GLRA2: variants seen among roughly 807,000 people sequenced by gnomAD.
The protein encoded by GLRA2 is glycine receptor alpha 2.
Under a neutral mutation model 31.6 loss-of-function variants are expected in GLRA2, and 11 were observed. The observed-to-expected ratio is 0.35, with a 90% CI of 0.22 to 0.58. GLRA2 has a LOEUF of 0.58. Among genes scored for constraint, GLRA2 ranks in the 20% least tolerant of loss-of-function variants. The pLI, the probability that GLRA2 is intolerant of heterozygous loss-of-function variation, is 0.84. For missense variants in GLRA2, 212 were observed against 351.8 expected, an observed-to-expected ratio of 0.60 and a Z score of 3.18; for synonymous variants, 132 against 134.0, an observed-to-expected ratio of 0.99 and a Z score of 0.10.
chrX:14,699,117 T>C (rs1203397847), intron 8 of GLRA2, among the ~76,000 whole-genome samples: 1 of 112,269 alleles, frequency 8.9e-6, no homozygotes, highest in Admixed American at 9.4e-5. Context: ...CCCAGTCTAT[T>C]AGAAGCTGAT....
At chrX:14,525,700 C>T (rs934788294), upstream of GLRA2, among the ~76,000 whole-genome samples, 8 of 111,394 alleles carry the variant, frequency 7.2e-5, no homozygotes, top group African/African-American at 2.3e-4. Context: ...TAATCTCTTA[C>T]TTTGAATTTA....
intron 8 of GLRA2, among the ~76,000 whole-genome samples, chrX:14,699,808 G>C (rs1423793888): frequency 9.0e-6 from 1 of 111,554 alleles, no homozygotes; most frequent in African/African-American, 3.3e-5. Flanking sequence ...CCACATATGA[G>C]TGAGATCACG....
At chrX:14,458,819 G>T in the GLRA2 span, among the ~76,000 whole-genome samples, 1 of 111,658 alleles carries the variant, frequency 9.0e-6, no homozygotes, top group Admixed American at 9.5e-5. Flanking sequence ...CCATTCTGCA[G>T]GTTGCCTGTT....
intron 8 of GLRA2, among the ~76,000 whole-genome samples, chrX:14,712,219 T>C (rs1601877079): frequency 8.9e-6 from 1 of 112,670 alleles, no homozygotes; most frequent in Non-Finnish European, 1.9e-5. Context: ...AGATAATTCA[T>C]GCTTTGTGGT....
chrX:14,607,274 TTTC>T lies in GLRA2; in HGVS notation c.715+9_715+11del, dbSNP rs2090344413. 9.0e-7 allele frequency: 1 copy of T among 1,110,607 alleles called. No homozygotes were observed. The highest frequency in any genetic ancestry group is 1.2e-6 in the Non-Finnish European group (1 of 843,268). The allele number at this position is 1,110,607 out of a possible 1,213,427, so 91.5% of individuals were successfully genotyped here. On this transcript the variant is annotated splice_region_variant and intron_variant, in intron 6 of 8. Transcript: ENST00000218075. The stretch of plus-strand genomic sequence containing the variant: ...TACAAAGCACTACAACACTGGTAAG[TTTC>T]TTTTTTTTTTTTTTTCAGCTGTTAA...
chrX:14,607,899 C>T (rs773634834), intron 6 of GLRA2, among the ~76,000 whole-genome samples: 1 of 110,721 alleles, frequency 9.0e-6, no homozygotes. Context: ...AATAGGCATC[C>T]GTTGTTTTCT....
intron 4 of GLRA2, among the ~76,000 whole-genome samples, chrX:14,600,964 T>A (rs1381341319): frequency 9.3e-6 from 1 of 107,980 alleles, no homozygotes; most frequent in East Asian, 2.9e-4. Flanking sequence ...TCCTTTTGAA[T>A]TTTTTTCACC....
At chrX:14,688,280 C>T (rs2091302414) in intron 7 of GLRA2, among the ~76,000 whole-genome samples, 1 of 111,716 alleles carries the variant, frequency 9.0e-6, no homozygotes, top group South Asian at 3.8e-4. Flanking sequence ...TCTGTCTGTT[C>T]TCAGATCTCA....
At chrX:14,588,867 T>C (rs2090110723) in intron 4 of GLRA2, among the ~76,000 whole-genome samples, 1 of 111,681 alleles carries the variant, frequency 9.0e-6, no homozygotes, top group Admixed American at 9.5e-5. Context: ...TTCTTAATTT[T>C]ACTCTCAGCT....
upstream of GLRA2, among the ~76,000 whole-genome samples, chrX:14,527,923 C>T (rs1039748647): frequency 2.4e-4 from 27 of 112,209 alleles, no homozygotes; most frequent in Admixed American, 4.7e-4. Flanking sequence ...TCACACTACA[C>T]CATACTGTTT....
the GLRA2 span, among the ~76,000 whole-genome samples, chrX:14,468,951 C>T: frequency 1.8e-5 from 2 of 110,895 alleles, no homozygotes; most frequent in Middle Eastern, 4.6e-3. Context: ...TTTTTGGCTG[C>T]ATAAATGTCT....
At chrX:14,626,612 CCAT>C (rs1303276122) in intron 7 of GLRA2, among the ~76,000 whole-genome samples, 1 of 111,548 alleles carries the variant, frequency 9.0e-6, no homozygotes, top group African/African-American at 3.3e-5. Context: ...GCCATTTTAA[CCAT>C]CATTTTCATC....
At chrX:14,516,139 C>G in the GLRA2 span, among the ~76,000 whole-genome samples, 4 of 111,267 alleles carry the variant, frequency 3.6e-5, no homozygotes, top group Non-Finnish European at 7.6e-5. Context: ...TAGCACACTT[C>G]ATGGCTCATA....
intron 7 of GLRA2, among the ~76,000 whole-genome samples, chrX:14,689,631 G>A (rs1230867317): frequency 8.9e-6 from 1 of 111,926 alleles, no homozygotes; most frequent in Non-Finnish European, 1.9e-5. Flanking sequence ...ATGAGTTGTT[G>A]TAAGGGTTAA....
At chrX:14,661,894 T>C (rs2090994592) in intron 7 of GLRA2, among the ~76,000 whole-genome samples, 1 of 88,399 alleles carries the variant, frequency 1.1e-5, no homozygotes, top group Non-Finnish European at 2.3e-5. Context: ...AAAAAAAAAG[T>C]AGAAAACATT....
intron 2 of GLRA2, among the ~76,000 whole-genome samples, chrX:14,569,529 C>T (rs1445994010): frequency 9.0e-6 from 1 of 111,670 alleles, no homozygotes; most frequent in African/African-American, 3.3e-5. Context: ...TGTCATTACT[C>T]ATTAGGGGAA....
the GLRA2 span, among the ~76,000 whole-genome samples, chrX:14,484,692 G>A: frequency 2.8e-4 from 31 of 111,794 alleles, no homozygotes; most frequent in African/African-American, 9.7e-4. Flanking sequence ...AAAACCAAGT[G>A]CCTAATGGCT....
At chrX:14,604,287 G>A in intron 4 of GLRA2, 28 bp from the exon 5 acceptor site, 1 of 983,976 alleles carries the variant, frequency 1.0e-6, no homozygotes, top group South Asian at 2.0e-5. Flanking sequence ...TTTAAAAATG[G>A]TTTTTAATTT....
chrX:14,619,227 T>C (rs1021383759), intron 7 of GLRA2, among the ~76,000 whole-genome samples: 2 of 110,705 alleles, frequency 1.8e-5, no homozygotes, highest in African/African-American at 6.6e-5. Context: ...CTATATTGTA[T>C]TTTCAACACA....
Sources: gnomAD v4.1 joint callset for allele counts (sites outside exome capture counted in the v4.1 genomes callset) on GRCh38, gnomAD v4.1.1 for gene constraint, MANE v1.5 for transcripts, NCBI Gene and HGNC (gene_info 2026-07-23, HGNC 2026-07-21) for gene names.